Variants in CDH2 observed in about 807,000 individuals in gnomAD.
CDH2 encodes the protein cadherin-2.
CDH2 carries 17 observed loss-of-function variants against 92.0 expected under a neutral mutation model. That is an observed-to-expected ratio of 0.18 (90% CI 0.13 to 0.28). The LOEUF is 0.28. Among genes scored for constraint, CDH2 ranks in the 10% least tolerant of loss-of-function variants. CDH2 has a pLI of 1.00. For synonymous variants in CDH2, 419 were observed against 415.9 expected (o/e 1.01, Z -0.09); for missense variants, 862 against 1,133.1 (o/e 0.76, Z 3.44).
chr18:28,137,319 T>C (rs543766507), intron 2 of CDH2, among the ~76,000 whole-genome samples: 16 of 152,132 alleles, frequency 1.1e-4, no homozygotes, highest in Non-Finnish European at 2.2e-4. Context: ...GTATAAATAT[T>C]AGCATCAAAG....
chr18:28,100,548 C>T (rs1381653977), intron 2 of CDH2, among the ~76,000 whole-genome samples: 2 of 152,222 alleles, frequency 1.3e-5, no homozygotes, highest in Non-Finnish European at 2.9e-5. Context: ...AATCCTATGG[C>T]TCGGTTTCTC....
At chr18:27,954,199 T>C (rs1462729500) in intron 15 of CDH2, among the ~76,000 whole-genome samples, 1 of 152,248 alleles carries the variant, frequency 6.6e-6, no homozygotes, top group Non-Finnish European at 1.5e-5. Context: ...ATCTTATTTT[T>C]AGACTAAGCT....
chr18:28,077,518 T>G, intron 2 of CDH2, among the ~76,000 whole-genome samples: 1 of 152,090 alleles, frequency 6.6e-6, no homozygotes, highest in East Asian at 1.9e-4. Context: ...TTTTTAACTC[T>G]AAAAGTCCTC....
intron 2 of CDH2, among the ~76,000 whole-genome samples, chr18:28,105,477 A>T (rs1264820638): frequency 1.3e-5 from 2 of 152,228 alleles, no homozygotes; most frequent in African/African-American, 4.8e-5. Flanking sequence ...GAGTTCTGGA[A>T]TACTTCCAAA....
intron 1 of CDH2, among the ~76,000 whole-genome samples, chr18:28,148,433 TATC>T (rs1286534674): frequency 2.3e-4 from 35 of 152,310 alleles, no homozygotes; most frequent in Middle Eastern, 3.4e-3. Flanking sequence ...TCATTTTCTA[TATC>T]ATCATATGCA....
intron 2 of CDH2, among the ~76,000 whole-genome samples, chr18:28,077,427 G>A (rs1338836349): frequency 6.6e-6 from 1 of 152,094 alleles, no homozygotes; most frequent in African/African-American, 2.4e-5. Context: ...AAAATAATCA[G>A]TGCAAGAACA....
chr18:28,138,374 T>C (rs573569296), intron 2 of CDH2, among the ~76,000 whole-genome samples: 2 of 152,172 alleles, frequency 1.3e-5, no homozygotes, highest in African/African-American at 4.8e-5. Flanking sequence ...GACGCAGCCA[T>C]AAATAATGCC....
At chr18:27,965,530 C>CTT (rs2011512133) in intron 14 of CDH2, among the ~76,000 whole-genome samples, 1 of 152,204 alleles carries the variant, frequency 6.6e-6, no homozygotes, top group Non-Finnish European at 1.5e-5. Flanking sequence ...GCTGCTTTCT[C>CTT]TTGTCAAGAT....
chr18:28,141,908 C>A (rs192093424), intron 2 of CDH2, among the ~76,000 whole-genome samples: 1 of 152,076 alleles, frequency 6.6e-6, no homozygotes, highest in Admixed American at 6.6e-5. Flanking sequence ...CCATCACCAA[C>A]ATCCTTGAAC....
At chr18:28,064,218 T>G (rs1167836032) in intron 2 of CDH2, among the ~76,000 whole-genome samples, 1 of 152,190 alleles carries the variant, frequency 6.6e-6, no homozygotes. Flanking sequence ...GGTATCTGTA[T>G]GGAGGCAATC....
chr18:27,980,604 C>T (rs954438039), intron 14 of CDH2, among the ~76,000 whole-genome samples: 3 of 151,986 alleles, frequency 2.0e-5, no homozygotes, highest in South Asian at 2.1e-4. Context: ...GGAGAAATCA[C>T]GGAAGCTCTT....
chr18:28,023,455 C>G (rs1429814221), intron 2 of CDH2, among the ~76,000 whole-genome samples: 1 of 152,044 alleles, frequency 6.6e-6, no homozygotes, highest in African/African-American at 2.4e-5. Context: ...TCCCAAGTAG[C>G]TGGGAGTACA....
At chr18:28,016,065 G>A (rs542517325) in intron 2 of CDH2, among the ~76,000 whole-genome samples, 2 of 152,282 alleles carry the variant, frequency 1.3e-5, no homozygotes, top group East Asian at 1.9e-4. Context: ...GGGAAGAGTC[G>A]ACCATGATGC....
intron 2 of CDH2, among the ~76,000 whole-genome samples, chr18:28,119,765 G>A (rs1182971634): frequency 6.6e-6 from 1 of 152,096 alleles, no homozygotes; most frequent in Non-Finnish European, 1.5e-5. Context: ...TGTCTCCCAT[G>A]AGGTTGCTGT....
chr18:28,023,436 G>T (rs2144062850), intron 2 of CDH2, among the ~76,000 whole-genome samples: 1 of 152,172 alleles, frequency 6.6e-6, no homozygotes, highest in Non-Finnish European at 1.5e-5. Flanking sequence ...TGATTCTCTT[G>T]CTTCAGCCTC....
At chr18:28,050,240 TA>T (rs2014164194) in intron 2 of CDH2, among the ~76,000 whole-genome samples, 1 of 152,154 alleles carries the variant, frequency 6.6e-6, no homozygotes, top group African/African-American at 2.4e-5. Context: ...TCATCACAAA[TA>T]GAGCCCATTT....
At chr18:28,055,006 G>A (rs564487683) in intron 2 of CDH2, among the ~76,000 whole-genome samples, 2 of 152,258 alleles carry the variant, frequency 1.3e-5, no homozygotes, top group African/African-American at 4.8e-5. Context: ...AGAGAGCTAA[G>A]TCACTAGAAA....
chr18:28,082,818 C>T (rs992119438), intron 2 of CDH2, among the ~76,000 whole-genome samples: 2 of 152,110 alleles, frequency 1.3e-5, no homozygotes, highest in African/African-American at 4.8e-5. Context: ...TGTCAATACC[C>T]ACAGACAAGA....
At chr18:28,037,120 C>T (rs897820234) in intron 2 of CDH2, among the ~76,000 whole-genome samples, 3 of 152,084 alleles carry the variant, frequency 2.0e-5, no homozygotes, top group Non-Finnish European at 2.9e-5. Flanking sequence ...GTTTCATATC[C>T]TAAATTGGGT....
Sources: allele counts gnomAD v4.1 joint callset (sites outside exome capture counted in the v4.1 genomes callset), GRCh38; gene constraint gnomAD v4.1.1; transcripts MANE v1.5; gene names NCBI Gene and HGNC (gene_info 2026-07-23, HGNC 2026-07-21).